SMIM47: variants seen among roughly 807,000 people sequenced by gnomAD.
SMIM47 encodes the protein CTD-2568A17.1.
At chr19:50,785,783 G>A in the SMIM47 span, 1 of 398,726 alleles carries the variant, frequency 2.5e-6, no homozygotes, top group Non-Finnish European at 4.4e-6. Context: ...GAGAGGCAGG[G>A]CTCTTGTGCG....
At chr19:50,785,764 T>C in the SMIM47 span, 1 of 398,502 alleles carries the variant, frequency 2.5e-6, no homozygotes, top group Non-Finnish European at 4.4e-6. Context: ...CTCAGAGCGA[T>C]GGCAGAGGGA....
chr19:50,785,878 A>G, the SMIM47 span: 1 of 398,904 alleles, frequency 2.5e-6, no homozygotes, highest in Non-Finnish European at 4.4e-6. Context: ...AGAGAGACCA[A>G]GATGACAGAA....
At chr19:50,785,772 G>A in the SMIM47 span, 1 of 398,660 alleles carries the variant, frequency 2.5e-6, no homozygotes, top group African/African-American at 2.1e-5. Flanking sequence ...GATGGCAGAG[G>A]GAGAGGCAGG....
chr19:50,785,994 G>A, the SMIM47 span: 4 of 398,770 alleles, frequency 1.0e-5, no homozygotes, highest in Non-Finnish European at 1.8e-5. Context: ...CATGGCCAGG[G>A]TCACATTCTG....
the SMIM47 span, chr19:50,785,822 G>C: frequency 1.5e-5 from 6 of 398,706 alleles, no homozygotes; most frequent in Non-Finnish European, 2.7e-5. Context: ...TCACTGCTGA[G>C]CCTGAGAGAG....
At chr19:50,785,730 C>A in the SMIM47 span, 3 of 397,442 alleles carry the variant, frequency 7.5e-6, no homozygotes, top group Non-Finnish European at 8.9e-6. Flanking sequence ...GCAGGATGTG[C>A]GGATTCAGTT....
chr19:50,785,822 G>A, the SMIM47 span: 1 of 398,706 alleles, frequency 2.5e-6, no homozygotes, highest in Non-Finnish European at 4.4e-6. Context: ...TCACTGCTGA[G>A]CCTGAGAGAG....
the SMIM47 span, chr19:50,786,054 C>A: frequency 1.8e-5 from 7 of 399,108 alleles, no homozygotes; most frequent in Non-Finnish European, 2.2e-5. Flanking sequence ...CTCTGCCCAG[C>A]CCCAGGCCTC....
At chr19:50,785,899 G>A in the SMIM47 span, 2 of 398,846 alleles carry the variant, frequency 5.0e-6, no homozygotes, top group African/African-American at 2.1e-5. Context: ...CTGGACCAGG[G>A]AGACAGAGAC....
chr19:50,785,985 A>G, the SMIM47 span: 2 of 398,878 alleles, frequency 5.0e-6, no homozygotes, highest in East Asian at 3.6e-5. Context: ...GAACAAGGCC[A>G]TGGCCAGGGT....
At chr19:50,785,903 C>T in the SMIM47 span, 34 of 398,848 alleles carry the variant, frequency 8.5e-5, no homozygotes, top group Non-Finnish European at 1.4e-4. Context: ...ACCAGGGAGA[C>T]AGAGACTCAG....
chr19:50,786,010 G>A, the SMIM47 span: 1 of 398,892 alleles, frequency 2.5e-6, no homozygotes, highest in Admixed American at 4.4e-5. Context: ...TTCTGGGGGG[G>A]AGATCAGAGG....
At chr19:50,786,124 C>T in the SMIM47 span, 1 of 398,618 alleles carries the variant, frequency 2.5e-6, no homozygotes, top group African/African-American at 2.1e-5. Flanking sequence ...ACTCCAGCCA[C>T]CCCTTGGTTG....
chr19:50,785,786 C>A, the SMIM47 span: 1 of 398,604 alleles, frequency 2.5e-6, no homozygotes, highest in East Asian at 3.6e-5. Flanking sequence ...AGGCAGGGCT[C>A]TTGTGCGGGG....
the SMIM47 span, chr19:50,785,857 G>A: frequency 1.0e-5 from 4 of 398,732 alleles, no homozygotes; most frequent in East Asian, 1.1e-4. Flanking sequence ...ATACAGAGAT[G>A]TGGGAGAGAA....
the SMIM47 span, chr19:50,785,971 T>C: frequency 2.5e-6 from 1 of 399,000 alleles, no homozygotes. Flanking sequence ...GAGGTCAGGA[T>C]GGTGAACAAG....
the SMIM47 span, chr19:50,786,137 C>G: frequency 2.5e-6 from 1 of 398,634 alleles, no homozygotes; most frequent in Non-Finnish European, 4.4e-6. Flanking sequence ...CTTGGTTGGT[C>G]TTCTCTCTCT....
the SMIM47 span, chr19:50,785,842 G>A: frequency 1.0e-5 from 4 of 398,614 alleles, no homozygotes; most frequent in Non-Finnish European, 1.8e-5. Context: ...GGAAAACAGG[G>A]ACATATACAG....
the SMIM47 span, chr19:50,786,028 C>T: frequency 3.0e-5 from 12 of 398,962 alleles, no homozygotes; most frequent in South Asian, 1.4e-3. Context: ...AGGTCAGGAC[C>T]CTTCCCCTCC....
Sources: gnomAD v4.1 joint callset for allele counts on GRCh38, gnomAD v4.1.1 for gene constraint, MANE v1.5 for transcripts, NCBI Gene and HGNC (gene_info 2026-07-23, HGNC 2026-07-21) for gene names.